Variants in HSP90AB1 observed in about 807,000 individuals in gnomAD.
HSP90AB1 encodes heat shock protein 90 alpha family class B member 1, also known as heat shock protein HSP 90-beta.
Under a neutral mutation model 67.8 loss-of-function variants are expected in HSP90AB1, and 17 were observed. The observed-to-expected ratio is 0.25, with a 90% CI of 0.17 to 0.38. HSP90AB1 has a LOEUF of 0.38. Among genes scored for constraint, HSP90AB1 ranks in the 10% least tolerant of loss-of-function variants. The probability of loss-of-function intolerance (pLI) is 1.00; values close to 1 mark genes in which losing one functional copy is unlikely to be tolerated. For synonymous variants in HSP90AB1, 390 were observed against 312.9 expected, an observed-to-expected ratio of 1.25 and a Z score of -2.60; for missense variants, 690 against 899.9, an observed-to-expected ratio of 0.77 and a Z score of 2.98.
Position 44,251,400 on chromosome 6 carries a change from C to T in HSP90AB1, c.1124-18C>T, listed in dbSNP as rs373948727. 6.3e-5 allele frequency: 100 copies of T among 1,595,260 alleles called. No homozygotes were observed. In the East Asian group the frequency reaches 7.2e-4, roughly 11 times the overall value. Reference sequence around the variant, plus strand: ...CTAGCTGTTTTTTACTGAGCTTTCTCACCCTGGTTGATGGCAGATTTTATC... The same window carrying T: ...CTAGCTGTTTTTTACTGAGCTTTCTTACCCTGGTTGATGGCAGATTTTATC... On this transcript the variant is annotated intron_variant, in intron 7 of 11. Coordinates refer to ENST00000371646, the MANE Select transcript of HSP90AB1 (RefSeq NM_007355.4).
chr6:44,246,444 G>C (rs575255080), upstream of HSP90AB1: 1 of 152,884 alleles, frequency 6.5e-6, no homozygotes, highest in African/African-American at 2.4e-5. Context: ...CGCCGAGACA[G>C]GCCTGGAAAC....
chr6:44,250,676 T>C (rs926534154), intron 6 of HSP90AB1, 77 bp downstream of exon 6: 53 of 809,098 alleles, frequency 6.6e-5, no homozygotes, highest in African/African-American at 1.0e-4. Context: ...TGTTGGGTAA[T>C]AGACACACGG....
At chr6:44,252,409 A>G in intron 10 of HSP90AB1, 142 bp downstream of exon 10, 1 of 741,888 alleles carries the variant, frequency 1.3e-6, no homozygotes, top group Middle Eastern at 2.4e-4. Flanking sequence ...TTCTCTAGTC[A>G]GGTTTAAGGC....
rs1211243291 is a variant in HSP90AB1 at position 44,250,287 on chromosome 6, T to C, written c.649-4T>C. The C allele has an allele frequency of 6.2e-7, 1 of 1,612,558 alleles. No homozygotes were observed. The highest frequency in any genetic ancestry group is 8.5e-7 in the Non-Finnish European group (1 of 1,179,286). ...CAAGGCTAACTTCTGTTTTTGTTAC[T>C]TAGTTGGAGAAGGAACGAGAGAAGG... On this transcript the variant is annotated splice_region_variant and splice_polypyrimidine_tract_variant and intron_variant, in intron 5 of 11. Transcript: ENST00000371646.
At chr6:44,248,553 A>G in intron 1 of HSP90AB1, 77 bp from the exon 2 acceptor site, 6 of 1,384,866 alleles carry the variant, frequency 4.3e-6, no homozygotes, top group East Asian at 2.3e-5. Flanking sequence ...TAAGGTCCTA[A>G]CAAATGATAT....
intron 2 of HSP90AB1, 144 bp downstream of exon 2, chr6:44,248,920 G>C (rs889372277): frequency 2.1e-5 from 16 of 767,432 alleles, no homozygotes; most frequent in Non-Finnish European, 3.3e-5. Context: ...GTTTTACTCT[G>C]GCCATCTTGA....
chr6:44,252,216 T>G lies in HSP90AB1; in HGVS notation c.1680T>G (p.Phe560Leu), dbSNP rs982301924. 13 of 1,614,024 alleles carry G rather than the reference T, an allele frequency of 8.1e-6. No homozygotes were observed. Among genetic ancestry groups the G allele is most frequent in the Non-Finnish European group, 1.0e-5 (12 of 1,180,038 alleles). Reference sequence around the variant, plus strand: ...AGATGGAAGAGAGCAAGGCAAAGTTTGAGAACCTCTGCAAGCTCATGAAAG... The same window carrying G: ...AGATGGAAGAGAGCAAGGCAAAGTTGGAGAACCTCTGCAAGCTCATGAAAG... ...KKKMEESKAKFENLCKLMKEI... is the reference protein window; with the variant it reads ...KKKMEESKAKLENLCKLMKEI... The change falls in exon 10 of 12, where the codon TTT becomes TTG. Residue 560 changes from phenylalanine to leucine, a missense_variant. This residue lies in a region of HSP90AB1 where 206 missense variants were observed against 221.4 expected (regional missense o/e 0.93). Coordinates refer to ENST00000371646, the MANE Select transcript of HSP90AB1 (RefSeq NM_007355.4).
chr6:44,248,860 T>C, intron 2 of HSP90AB1, 84 bp downstream of exon 2: 1 of 1,247,890 alleles, frequency 8.0e-7, no homozygotes, highest in African/African-American at 1.5e-5. Context: ...TGGCCTTTGT[T>C]GGGGACTACT....
chr6:44,248,888 T>TG (rs1780303086), intron 2 of HSP90AB1, 112 bp downstream of exon 2: 1 of 931,816 alleles, frequency 1.1e-6, no homozygotes. Context: ...GGGGTAAACT[T>TG]GCAGCTATTC....
At chr6:44,247,408 C>G (rs932789421) in intron 1 of HSP90AB1, among the ~76,000 whole-genome samples, 2 of 151,982 alleles carry the variant, frequency 1.3e-5, no homozygotes, top group African/African-American at 4.8e-5. Context: ...GGCTTTCTCT[C>G]GGCGCCTGCT....
intron 2 of HSP90AB1, 104 bp downstream of exon 2, chr6:44,248,880 G>GT (rs1780302062): frequency 5.0e-6 from 5 of 1,007,950 alleles, no homozygotes; most frequent in Non-Finnish European, 7.5e-6. Flanking sequence ...TATTGAAGGG[G>GT]GTAAACTTGC....
In HSP90AB1 at chr6:44,248,633, C is replaced by G; in HGVS notation, c.4C>G (p.Pro2Ala). The G allele has an allele frequency of 6.2e-7, 1 of 1,602,116 alleles. No individual in the cohort carries two copies. The highest frequency in any genetic ancestry group is 8.5e-7 in the Non-Finnish European group (1 of 1,176,794). M[P>A]EEVHHGEEEV... ...ATTAATGAGATTTTTATTTTAGATG[C>G]CTGAGGAAGTGCACCATGGAGAGGA... The change falls in exon 2 of 12, where the codon CCT becomes GCT. Residue 2 changes from proline to alanine, a missense_variant. By Grantham distance (27) the Pro-to-Ala change is conservative. Coordinates refer to ENST00000371646, the MANE Select transcript of HSP90AB1 (RefSeq NM_007355.4).
rs759510381 is a variant in HSP90AB1, at chr6:44,251,860, C to CA, written c.1439dup (p.Lys481GlufsTer9). 1 of 1,613,036 alleles carries CA rather than the reference C, an allele frequency of 6.2e-7. No homozygotes were observed. Among genetic ancestry groups the CA allele is most frequent in the Non-Finnish European group, 8.5e-7 (1 of 1,180,040 alleles). ...GTATGTTTCTCGCATGAAGGAGACA[C>CA]AGAAGTCCATCTATTACATCACTGG... On this transcript the variant is annotated frameshift_variant, in exon 9 of 12. Transcript: ENST00000371646. LOFTEE classifies it high-confidence loss of function.
chr6:44,251,670 C>T, intron 8 of HSP90AB1, 62 bp downstream of exon 8: 7 of 1,588,960 alleles, frequency 4.4e-6, no homozygotes, highest in Non-Finnish European at 6.0e-6. Context: ...ATAAATTATT[C>T]CATTCACATT....
In HSP90AB1 at chr6:44,251,128, C is replaced by T; in HGVS notation, c.1038C>T (p.Asn346=). 1.2e-6 allele frequency: 2 copies of T among 1,614,028 alleles called. No individual in the cohort carries two copies. The highest frequency in any genetic ancestry group is 4.5e-5 in the East Asian group (2 of 44,886). The change falls in exon 7 of 12, where the codon AAC becomes AAT. Residue 346 remains asparagine (N), a synonymous_variant. Transcript: ENST00000371646. ...PRRAPFDLFE[N]KKKKNNIKLY... ...GGGCTCCCTTTGACCTTTTTGAGAACAAGAAGAAAAAGAACAACATCAAAC... is the reference window on the plus strand; with the variant it reads ...GGGCTCCCTTTGACCTTTTTGAGAATAAGAAGAAAAAGAACAACATCAAAC...
At chr6:44,252,354 G>C (rs558541926) in intron 10 of HSP90AB1, 87 bp downstream of exon 10, 5 of 1,242,560 alleles carry the variant, frequency 4.0e-6, no homozygotes, top group African/African-American at 3.0e-5. Flanking sequence ...TTAGTGGTTT[G>C]AGGCAGCCTA....
intron 1 of HSP90AB1, chr6:44,247,884 G>A (rs1335519351): frequency 2.0e-5 from 3 of 152,216 alleles, no homozygotes; most frequent in African/African-American, 7.2e-5. Flanking sequence ...ATGCTGGGGC[G>A]AGGGAGGGTG....
intron 9 of HSP90AB1, 44 bp from the exon 10 acceptor site, chr6:44,251,955 G>GT: frequency 6.2e-7 from 1 of 1,613,586 alleles, no homozygotes; most frequent in East Asian, 2.2e-5. Context: ...GGAACTGGCA[G>GT]TATGAGGCAT....
In HSP90AB1 at chr6:44,251,036, G is replaced by C. The variant is rs1213211022; in HGVS notation, c.958-12G>C. ...CTTTTGAAATGTACCACTTATTTTT[G>C]GTTTCTTTCAGCACTTTTCTGTAGA... On this transcript the variant is annotated splice_polypyrimidine_tract_variant and intron_variant, in intron 6 of 11. Transcript: ENST00000371646. 1 of 1,611,714 alleles carries C rather than the reference G, an allele frequency of 6.2e-7. No homozygotes were observed. The highest frequency in any genetic ancestry group is 8.5e-7 in the Non-Finnish European group (1 of 1,178,558).
Sources: gnomAD v4.1 joint callset for allele counts (sites outside exome capture counted in the v4.1 genomes callset) on GRCh38, gnomAD v4.1.1 for gene constraint, gnomAD v4.1.1 regional missense constraint, MANE v1.5 for transcripts, NCBI Gene and HGNC (gene_info 2026-07-23, HGNC 2026-07-21) for gene names.